ATAD2: variants seen among roughly 807,000 people sequenced by gnomAD.
The protein encoded by ATAD2 is ATPase family AAA domain-containing protein 2.
Under a neutral mutation model 168.9 loss-of-function variants are expected in ATAD2, and 62 were observed. That is an observed-to-expected ratio of 0.37 (90% CI 0.30 to 0.45). The LOEUF is 0.45. ATAD2 is among the 20% of genes least tolerant of loss of function. ATAD2 has a pLI of 1.00. For missense variants in ATAD2, 1,419 were observed against 1,667.8 expected (o/e 0.85, Z 2.60); for synonymous variants, 613 against 571.6 (o/e 1.07, Z -1.03).
At chr8:123,337,077 G>C (rs544947185) in intron 21 of ATAD2, among the ~76,000 whole-genome samples, 9 of 150,366 alleles carry the variant, frequency 6.0e-5, no homozygotes, top group East Asian at 5.9e-4. Flanking sequence ...AAAAAAAAAG[G>C]GGGGGCCGAG....
rs745958518 is a variant in ATAD2, at chr8:123,362,685, G to C, written c.1050-1039C>G. ...CCCGCCTCAGCCTCCCAAAGTGCTG[G>C]GATTAAGGTGTGAGTCATCACGCCC... On this transcript the variant is annotated intron_variant, in intron 8 of 27. Coordinates refer to ENST00000287394, the MANE Select transcript of ATAD2 (RefSeq NM_014109.4). Among the ~76,000 whole-genome samples, 187 of 151,998 alleles carry C rather than the reference G, an allele frequency of 1.2e-3. 1 individual carries two copies. The highest frequency in any genetic ancestry group is 1.3e-3 in the Non-Finnish European group (90 of 68,014).
Position 123,326,113 on chromosome 8 carries a change from G to A in ATAD2, c.3869-87C>T, listed in dbSNP as rs180764801. 514 of 1,407,956 alleles carry A rather than the reference G, an allele frequency of 3.7e-4. No individual in the cohort carries two copies. In the African/African-American group the frequency reaches 6.7e-3, roughly 18 times the overall value. 87.2% of individuals were successfully genotyped at this position (1,407,956 alleles called of 1,614,324 possible). On this transcript the variant is annotated intron_variant, in intron 25 of 27. Transcript: ENST00000287394. ...TAATAATATTAGGCAGATTAAACAG[G>A]GCATGTTTACTAAGGACATAAACAG...
At position 123,371,691 on chromosome 8, in the gene ATAD2, A is replaced by G; in HGVS notation, c.515T>C (p.Leu172Pro). 1 of 1,603,556 alleles carries G rather than the reference A, an allele frequency of 6.2e-7. No homozygotes were observed. The highest frequency in any genetic ancestry group is 8.5e-7 in the Non-Finnish European group (1 of 1,177,528). ...TTACTTAGTTATAAGTTTGTCAAAC[A>G]GCATGGACTGGTTTACACCACTATA... ...SRYSGVNQSMLFDKLITNTAE... is the reference protein window; with the variant it reads ...SRYSGVNQSMPFDKLITNTAE... The change falls in exon 4 of 28, where the codon CTG becomes CCG. Residue 172 changes from leucine (L) to proline (P), a missense_variant. By Grantham distance (98) the Leu-to-Pro change is moderately conservative. Around this residue, in one of 5 missense-constraint regions of ATAD2, gnomAD observed 419 missense variants for 423.5 expected, o/e 0.99. Coordinates refer to ENST00000287394, the MANE Select transcript of ATAD2 (RefSeq NM_014109.4).
intron 24 of ATAD2, among the ~76,000 whole-genome samples, chr8:123,329,628 T>C (rs890115457): frequency 6.6e-6 from 1 of 151,176 alleles, no homozygotes; most frequent in Non-Finnish European, 1.5e-5. Context: ...CCGGGCATGG[T>C]GGCCGGTGCC....
intron 1 of ATAD2, among the ~76,000 whole-genome samples, chr8:123,395,076 A>G (rs1353586999): frequency 6.6e-6 from 1 of 152,192 alleles, no homozygotes; most frequent in East Asian, 1.9e-4. Context: ...AGAGGATTAC[A>G]TTGTCACTTC....
At chr8:123,377,603 G>A (rs1829360280) in intron 2 of ATAD2, among the ~76,000 whole-genome samples, 1 of 152,140 alleles carries the variant, frequency 6.6e-6, no homozygotes, top group South Asian at 2.1e-4. Flanking sequence ...TTGCTAAAAT[G>A]AAATAACCAT....
intron 2 of ATAD2, among the ~76,000 whole-genome samples, chr8:123,373,929 T>C (rs916188516): frequency 2.6e-5 from 4 of 152,216 alleles, no homozygotes; most frequent in African/African-American, 7.2e-5. Flanking sequence ...GGCTGGTTTA[T>C]ATGTGGAATT....
At chr8:123,376,030 G>A (rs919407579) in intron 2 of ATAD2, among the ~76,000 whole-genome samples, 1 of 150,514 alleles carries the variant, frequency 6.6e-6, no homozygotes, top group African/African-American at 2.4e-5. Flanking sequence ...GCTTGAACCT[G>A]GGAGGCGAAG....
At position 123,378,289 on chromosome 8, in the gene ATAD2, G is replaced by A. The variant is rs78788911; in HGVS notation, c.320+2240C>T. ...AGTATAAAACACTCCATAAATAATGGATAAGACGCAAATTAAAAAATATGT... is the reference window on the plus strand; with the variant it reads ...AGTATAAAACACTCCATAAATAATGAATAAGACGCAAATTAAAAAATATGT... On this transcript the variant is annotated intron_variant, in intron 2 of 27. Transcript: ENST00000287394. Among the ~76,000 whole-genome samples the A allele has an allele frequency of 5.6e-3, 851 of 151,898 alleles. 4 individuals carry two copies. The highest frequency in any genetic ancestry group is 0.02 in the African/African-American group (828 of 41,390).
At chr8:123,324,912 A>G (rs1425229488) in intron 26 of ATAD2, among the ~76,000 whole-genome samples, 1 of 152,040 alleles carries the variant, frequency 6.6e-6, no homozygotes, top group African/African-American at 2.4e-5. Context: ...ATCCTTGGAT[A>G]TAATTCTTAA....
chr8:123,383,037 C>A (rs970892367), intron 1 of ATAD2, among the ~76,000 whole-genome samples: 1 of 152,154 alleles, frequency 6.6e-6, no homozygotes, highest in African/African-American at 2.4e-5. Flanking sequence ...GAGTTCATGT[C>A]ATTTGCAGGG....
At chr8:123,400,941 C>A (rs1249897579), upstream of ATAD2, 1 of 1,393,626 alleles carries the variant, frequency 7.2e-7, no homozygotes. This position sits in a 1 kb window ranked among gnomAD's most constrained non-coding sequence, Gnocchi z 4.5. Flanking sequence ...TGGTGCTGAG[C>A]CCCTCGCACC....
chr8:123,406,480 T>G (rs1355411065), intron 1 of ATAD2, among the ~76,000 whole-genome samples: 2 of 151,600 alleles, frequency 1.3e-5, no homozygotes. Flanking sequence ...GCCAAAAGCT[T>G]TTCTCTATTC....
In ATAD2 at chr8:123,321,226, TA is replaced by T. The variant is rs745881153; in HGVS notation, c.4132-52del. On this transcript the variant is annotated intron_variant, in intron 27 of 27. Coordinates refer to ENST00000287394, the MANE Select transcript of ATAD2 (RefSeq NM_014109.4). ...TAGTAAGTTTCAATATGGAATAAGC[TA>T]AAGAAACATTTCATTACTTTTTCAG... 3 of 1,445,238 alleles carry T rather than the reference TA, an allele frequency of 2.1e-6. No homozygotes were observed. The South Asian group carries it at 3.7e-5, about 18-fold the overall frequency. 89.5% of individuals were successfully genotyped at this position (1,445,238 alleles called of 1,614,324 possible).
chr8:123,325,720 C>A (rs1049055498), intron 26 of ATAD2, among the ~76,000 whole-genome samples, 173 bp downstream of exon 26: 3 of 152,158 alleles, frequency 2.0e-5, no homozygotes, highest in Non-Finnish European at 2.9e-5. Context: ...TGTGCCTGAC[C>A]TAGTCTTAAT....
intron 10 of ATAD2, 32 bp from the exon 11 acceptor site, chr8:123,359,368 G>T: frequency 6.7e-7 from 1 of 1,499,958 alleles, no homozygotes; most frequent in South Asian, 1.2e-5. Context: ...TACATTTTTA[G>T]ATTTGGAGTC....
At position 123,320,624 on chromosome 8, in the gene ATAD2, A is replaced by C. The variant is rs1827441310; in HGVS notation, c.*510T>G. 1.3e-5 allele frequency: 2 copies of C among 153,496 alleles called. No individual in the cohort carries two copies. The highest frequency in any genetic ancestry group is 3.8e-4 in the East Asian group (2 of 5,212). 9.5% of individuals were successfully genotyped at this position (153,496 alleles called of 1,614,324 possible). On this transcript the variant is annotated 3_prime_UTR_variant, in exon 28 of 28. Coordinates refer to ENST00000287394, the MANE Select transcript of ATAD2 (RefSeq NM_014109.4). Reference sequence around the variant, plus strand: ...AGAAGTGGTTCAAGAGCCCTCCCGCAAATCATGACTTGCACTCTGGCTTTT... The same window carrying C: ...AGAAGTGGTTCAAGAGCCCTCCCGCCAATCATGACTTGCACTCTGGCTTTT...
intron 3 of ATAD2, 110 bp from the exon 4 acceptor site, chr8:123,371,945 C>G: frequency 9.0e-7 from 1 of 1,116,794 alleles, no homozygotes; most frequent in Non-Finnish European, 1.2e-6. Flanking sequence ...AACAAAATTA[C>G]AGTATCTTAA....
intron 24 of ATAD2, among the ~76,000 whole-genome samples, chr8:123,329,357 C>T (rs913855153): frequency 2.0e-5 from 3 of 152,102 alleles, no homozygotes; most frequent in Non-Finnish European, 2.9e-5. Flanking sequence ...TGGGCTCAAG[C>T]GATCCTCCTA....
Sources: gnomAD v4.1 joint callset for allele counts (sites outside exome capture counted in the v4.1 genomes callset) on GRCh38, gnomAD v4.1.1 for gene constraint, gnomAD v4.1.1 regional missense constraint, Gnocchi (gnomAD v3.1) non-coding constraint, MANE v1.5 for transcripts, NCBI Gene and HGNC (gene_info 2026-07-23, HGNC 2026-07-21) for gene names.